The following ZFHX3 variants were observed in gnomAD, a reference collection of about 807,000 sequenced individuals.
The protein encoded by ZFHX3 is zinc finger homeobox protein 3.
Under a neutral mutation model 279.1 loss-of-function variants are expected in ZFHX3, and 42 were observed. The observed-to-expected ratio is 0.15, with a 90% CI of 0.12 to 0.19. The LOEUF is 0.19. Ranked by LOEUF, ZFHX3 falls within the 10% of genes least tolerant of loss-of-function variation. ZFHX3 has a pLI of 1.00. For missense variants in ZFHX3, 4,981 were observed against 4,754.0 expected, an observed-to-expected ratio of 1.05 and a Z score of -1.40; for synonymous variants, 2,293 against 1,957.8, an observed-to-expected ratio of 1.17 and a Z score of -4.52.
At chr16:73,391,904 A>G (rs1428173783) in intron 3 of ZFHX3, among the ~76,000 whole-genome samples, 6 of 152,204 alleles carry the variant, frequency 3.9e-5, no homozygotes, top group Admixed American at 3.9e-4. Flanking sequence ...AAAAGCAAAA[A>G]CAGAACCACT....
chr16:73,857,459 G>C (rs1961764141), intron 1 of ZFHX3, among the ~76,000 whole-genome samples: 1 of 152,164 alleles, frequency 6.6e-6, no homozygotes, highest in Non-Finnish European at 1.5e-5. Flanking sequence ...AACCCCACTT[G>C]TTCCAATCAA....
chr16:73,261,187 A>G (rs1246749816), intron 4 of ZFHX3, among the ~76,000 whole-genome samples: 1 of 152,244 alleles, frequency 6.6e-6, no homozygotes, highest in Non-Finnish European at 1.5e-5. Flanking sequence ...AATATTATGT[A>G]TCCATAAAAG....
rs961940304 is a variant in ZFHX3, at chr16:72,863,198, G to C, written c.3448+26533C>G. Among the ~76,000 whole-genome samples the C allele has an allele frequency of 4.0e-5, 6 of 151,820 alleles. No homozygotes were observed. In the East Asian group the frequency reaches 1.2e-3, roughly 29 times the overall value. On this transcript the variant is annotated intron_variant, in intron 4 of 9. Transcript: ENST00000268489. ...TTTAGGGGTCTGATATTGCAGTCTT[G>C]TTAATAAAAAAAGAGAGATACAGGT...
At chr16:73,339,578 A>G (rs999792817) in intron 3 of ZFHX3, among the ~76,000 whole-genome samples, 11 of 152,188 alleles carry the variant, frequency 7.2e-5, no homozygotes, top group Non-Finnish European at 1.0e-4. Context: ...ATATTTTTCT[A>G]TTAGACGTTT....
At chr16:72,865,934 G>A (rs898543741) in intron 4 of ZFHX3, among the ~76,000 whole-genome samples, 2 of 152,162 alleles carry the variant, frequency 1.3e-5, no homozygotes, top group African/African-American at 2.4e-5. Flanking sequence ...ACATGCCACC[G>A]GGACAGCCCT....
At chr16:73,638,753 A>G (rs751200608) in intron 2 of ZFHX3, among the ~76,000 whole-genome samples, 4 of 152,190 alleles carry the variant, frequency 2.6e-5, no homozygotes, top group Non-Finnish European at 5.9e-5. Context: ...ATTACAAAGC[A>G]CAGTGCCACA....
chr16:73,763,191 A>C (rs935558360), intron 1 of ZFHX3, among the ~76,000 whole-genome samples: 1 of 147,378 alleles, frequency 6.8e-6, no homozygotes, highest in Admixed American at 6.7e-5. Flanking sequence ...TCCTAATTAC[A>C]AAAAAAAATT....
At chr16:73,468,893 T>C (rs1175001573) in intron 2 of ZFHX3, among the ~76,000 whole-genome samples, 1 of 152,202 alleles carries the variant, frequency 6.6e-6, no homozygotes, top group Non-Finnish European at 1.5e-5. Flanking sequence ...AACTGGCCTC[T>C]ACCACAATGG....
At chr16:73,799,126 G>C (rs1408627432) in intron 1 of ZFHX3, among the ~76,000 whole-genome samples, 1 of 152,128 alleles carries the variant, frequency 6.6e-6, no homozygotes, top group Admixed American at 6.5e-5. Context: ...TATTACCCTG[G>C]AGGCACCAAT....
chr16:73,465,522 C>T (rs924566551), intron 2 of ZFHX3, among the ~76,000 whole-genome samples: 2 of 148,864 alleles, frequency 1.3e-5, no homozygotes, highest in Non-Finnish European at 2.9e-5. Context: ...TGCTCCTTCT[C>T]CGGTTCCCCA....
intron 2 of ZFHX3, among the ~76,000 whole-genome samples, chr16:73,671,864 A>G (rs1320686678): frequency 6.6e-6 from 1 of 152,218 alleles, no homozygotes; most frequent in Non-Finnish European, 1.5e-5. Flanking sequence ...CTCTATAAAT[A>G]CATACATTAA....
chr16:72,868,856 C>T (rs2038086178), intron 4 of ZFHX3, among the ~76,000 whole-genome samples: 1 of 152,196 alleles, frequency 6.6e-6, no homozygotes, highest in Non-Finnish European at 1.5e-5. Context: ...TACATACAGC[C>T]TTGGAGATGA....
chr16:73,743,431 T>A (rs440948), intron 1 of ZFHX3, among the ~76,000 whole-genome samples: 1 of 152,156 alleles, frequency 6.6e-6, no homozygotes, highest in African/African-American at 2.4e-5. Flanking sequence ...TTCTGTTTGG[T>A]CAAAGGATAT....
At chr16:72,869,913 T>C (rs1308823288) in intron 4 of ZFHX3, among the ~76,000 whole-genome samples, 1 of 152,170 alleles carries the variant, frequency 6.6e-6, no homozygotes, top group South Asian at 2.1e-4. Context: ...CAAATCAATA[T>C]CATGTATCTC....
intron 4 of ZFHX3, chr16:73,257,247 C>T (rs1373030354): frequency 6.6e-6 from 1 of 152,160 alleles, no homozygotes; most frequent in African/African-American, 2.4e-5. Context: ...TAGAGTCAAA[C>T]TAGATTGAGG....
chr16:73,339,852 G>A (rs1053340318), intron 3 of ZFHX3, among the ~76,000 whole-genome samples: 1 of 152,218 alleles, frequency 6.6e-6, no homozygotes, highest in Admixed American at 6.5e-5. Flanking sequence ...AAGAAAGGTA[G>A]CAGCTGATGC....
At chr16:73,564,604 A>G (rs1683992038) in intron 2 of ZFHX3, among the ~76,000 whole-genome samples, 1 of 152,108 alleles carries the variant, frequency 6.6e-6, no homozygotes. Context: ...ACTCTGTACA[A>G]ACAAGGGCAT....
intron 8 of ZFHX3, among the ~76,000 whole-genome samples, chr16:73,078,899 C>T: frequency 6.6e-6 from 1 of 152,028 alleles, no homozygotes; most frequent in Non-Finnish European, 1.5e-5. Context: ...CTGCCTCAGC[C>T]TCCCAAAGTG....
chr16:73,608,619 A>G lies in ZFHX3; in HGVS notation c.-1547+71561T>C, dbSNP rs1268807228. On this transcript the variant is annotated intron_variant, in intron 2 of 17. Coordinates refer to the ZFHX3 transcript ENST00000641206. ...AAGCAGAAAACAACAATTTTTTTTC[A>G]GGAGAAATGCGTTCTCGTGTCTTTT... 3 of 152,262 alleles carry G rather than the reference A, an allele frequency of 2.0e-5. No homozygotes were observed. In the East Asian group the frequency reaches 5.8e-4, roughly 29 times the overall value. 9.4% of individuals were successfully genotyped at this position (152,262 alleles called of 1,614,324 possible). A position where few individuals can be genotyped will look rare whatever the true frequency, so the allele number is the denominator to read the frequency against.
Sources: gnomAD v4.1 joint callset for allele counts (sites outside exome capture counted in the v4.1 genomes callset) on GRCh38, gnomAD v4.1.1 for gene constraint, MANE v1.5 for transcripts, NCBI Gene and HGNC (gene_info 2026-07-23, HGNC 2026-07-21) for gene names.